GAPDH: variants seen among roughly 807,000 people sequenced by gnomAD.
GAPDH encodes the protein glyceraldehyde-3-phosphate dehydrogenase.
Under a neutral mutation model 31.2 loss-of-function variants are expected in GAPDH, and 13 were observed. The observed-to-expected ratio is 0.42, with a 90% CI of 0.27 to 0.66. The LOEUF is 0.66. GAPDH is among the 30% of genes least tolerant of loss of function. GAPDH has a pLI of 0.26. For synonymous variants in GAPDH, 211 were observed against 166.9 expected, an observed-to-expected ratio of 1.26 and a Z score of -2.04; for missense variants, 300 against 443.7, an observed-to-expected ratio of 0.68 and a Z score of 2.91.
At chr12:6,535,412 G>T in intron 2 of GAPDH, 1 of 988,850 alleles carries the variant, frequency 1.0e-6, no homozygotes, top group Non-Finnish European at 1.2e-6. Flanking sequence ...GTCAGGTGGA[G>T]CGAGGCTAGC....
At chr12:6,534,928 C>A in intron 2 of GAPDH, 67 bp downstream of exon 2, 2 of 1,546,780 alleles carry the variant, frequency 1.3e-6, no homozygotes, top group Non-Finnish European at 8.9e-7. Flanking sequence ...ACGAGCCTTG[C>A]GGGCTCCGGG....
At chr12:6,535,459 A>AT in intron 2 of GAPDH, 1 of 986,822 alleles carries the variant, frequency 1.0e-6, no homozygotes, top group Non-Finnish European at 1.2e-6. Context: ...CTTTTCCTAG[A>AT]TTATTCTCTG....
chr12:6,537,529 G>A lies in GAPDH; in HGVS notation c.526-55G>A. 1.3e-6 allele frequency: 2 copies of A among 1,588,726 alleles called. No homozygotes were observed. Among genetic ancestry groups the A allele is most frequent in the South Asian group, 1.1e-5 (1 of 87,502 alleles). ...CCATAATTTCCTTTCAAGGTGGGGA[G>A]GGAGGTAGAGGGGTGATGTGGGGAG... On this transcript the variant is annotated intron_variant, in intron 7 of 8. Transcript: ENST00000229239. The surrounding 1 kb of genome is among the most constrained non-coding windows in gnomAD (Gnocchi z 4.9).
chr12:6,535,605 G>GC, intron 2 of GAPDH: 1 of 286,110 alleles, frequency 3.5e-6, no homozygotes, highest in Non-Finnish European at 5.2e-6. Flanking sequence ...CCGCAAAATG[G>GC]CCCCTCTGGT....
In GAPDH at chr12:6,537,404, G is replaced by C; in HGVS notation, c.525+14G>C. ...GAAGGACTCATGGTATGAGAGCTGG[G>C]GAATGGGACTGAGGCTCCCACCTTT... On this transcript the variant is annotated intron_variant, in intron 7 of 8. Transcript: ENST00000229239. The surrounding 1 kb of genome is among the most constrained non-coding windows in gnomAD (Gnocchi z 4.9). 2 of 1,603,900 alleles carry C rather than the reference G, an allele frequency of 1.2e-6. No homozygotes were observed. Among genetic ancestry groups the C allele is most frequent in the Non-Finnish European group, 1.7e-6 (2 of 1,176,812 alleles).
rs1170623647 is a variant in GAPDH, at chr12:6,534,545, GCCGCA to G, written c.-47_-43del. 2.2e-5 allele frequency: 11 copies of G among 507,008 alleles called. No individual in the cohort carries two copies. Among genetic ancestry groups the G allele is most frequent in the Non-Finnish European group, 1.8e-5 (5 of 282,610 alleles). The allele number at this position is 507,008 out of a possible 1,614,324, so 31.4% of individuals were successfully genotyped here. A position where few individuals can be genotyped will look rare whatever the true frequency, so the allele number is the denominator to read the frequency against. On this transcript the variant is annotated 5_prime_UTR_variant, in exon 1 of 9. Coordinates refer to ENST00000229239, the MANE Select transcript of GAPDH (RefSeq NM_002046.7). The stretch of plus-strand genomic sequence containing the variant: ...CTCTGCTCCTCCTGTTCGACAGTCA[GCCGCA>G]TCTTCTTTTGCGTCGCCAGGTGAAG...
At chr12:6,536,401 C>T (rs923348483) in intron 2 of GAPDH, 93 bp from the exon 3 acceptor site, 29 of 884,966 alleles carry the variant, frequency 3.3e-5, no homozygotes, top group Non-Finnish European at 4.9e-5. Flanking sequence ...GGAGATGCTG[C>T]ATTCGCCCTC....
chr12:6,534,726 A>T (rs1372314746), intron 1 of GAPDH, 84 bp from the exon 2 acceptor site: 17 of 1,183,380 alleles, frequency 1.4e-5, no homozygotes, highest in Admixed American at 1.9e-5. Flanking sequence ...CGGGCTGGGC[A>T]TGGAGGCCTG....
In GAPDH at chr12:6,538,129, A is replaced by C; in HGVS notation, c.967A>C (p.Arg323=). ...TGACAACGAATTTGGCTACAGCAAC[A>C]GGGTGGTGGACCTCATGGCCCACAT... ...WYDNEFGYSN[R]VVDLMAHMAS... is the part of the protein sequence containing the mutation. Residue 323 remains arginine (R), a synonymous_variant, in exon 9 of 9, where the codon AGG becomes CGG. Coordinates refer to ENST00000229239, the MANE Select transcript of GAPDH (RefSeq NM_002046.7). 6.2e-7 allele frequency: 1 copy of C among 1,613,326 alleles called. No homozygotes were observed. The highest frequency in any genetic ancestry group is 1.7e-5 in the Admixed American group (1 of 60,028).
chr12:6,535,427 C>T (rs977980930), intron 2 of GAPDH: 2 of 987,796 alleles, frequency 2.0e-6, no homozygotes, highest in African/African-American at 1.7e-5. Context: ...GCTAGCTGGC[C>T]CGATTTCTCC....
chr12:6,537,700 C>T lies in GAPDH; in HGVS notation c.642C>T (p.Ala214=). 1 of 1,611,686 alleles carries T rather than the reference C, an allele frequency of 6.2e-7. No individual in the cohort carries two copies. Among genetic ancestry groups the T allele is most frequent in the Non-Finnish European group, 8.5e-7 (1 of 1,179,856 alleles). The change falls in exon 8 of 9, where the codon GCC becomes GCT. Residue 214 remains alanine (A), a synonymous_variant. Transcript: ENST00000229239. The surrounding 1 kb of genome is among the most constrained non-coding windows in gnomAD (Gnocchi z 4.9). ...QNIIPASTGA[A]KAVGKVIPEL... is the part of the protein sequence containing the mutation. ...TCATCCCTGCCTCTACTGGCGCTGC[C>T]AAGGCTGTGGGCAAGGTCATCCCTG...
rs376351264 is a variant in GAPDH, at chr12:6,535,516, C to T, written c.29+655C>T. The T allele has an allele frequency of 1.1e-5, 10 of 906,934 alleles. No individual in the cohort carries two copies. The South Asian group carries it at 1.5e-4, about 14-fold the overall frequency. 56.2% of individuals were successfully genotyped at this position (906,934 alleles called of 1,614,324 possible). On this transcript the variant is annotated intron_variant, in intron 2 of 8. Coordinates refer to ENST00000229239, the MANE Select transcript of GAPDH (RefSeq NM_002046.7). ...ATGGAGGTCCTCTTGTGTCCCCTCCCCGCAGAGGTGTGGTGGCTGTGGCAT... is the reference window on the plus strand; with the variant it reads ...ATGGAGGTCCTCTTGTGTCCCCTCCTCGCAGAGGTGTGGTGGCTGTGGCAT...
At chr12:6,534,786 T>A (rs368616050) in intron 1 of GAPDH, 24 bp from the exon 2 acceptor site, 2 of 1,607,272 alleles carry the variant, frequency 1.2e-6, no homozygotes, top group African/African-American at 1.3e-5. Context: ...CACTAGGCGC[T>A]CACTGTTCTC....
rs1015638048 is a variant in GAPDH, at chr12:6,534,522, C to G, written c.-71C>G. On this transcript the variant is annotated 5_prime_UTR_variant, in exon 1 of 9. Transcript: ENST00000229239. ...AGCCCGCAGCCTCCCGCTTCGCTCT[C>G]TGCTCCTCCTGTTCGACAGTCAGCC... 6.5e-6 allele frequency: 3 copies of G among 459,540 alleles called. No individual in the cohort carries two copies. The highest frequency in any genetic ancestry group is 7.9e-6 in the Non-Finnish European group (2 of 252,418). 28.5% of individuals were successfully genotyped at this position (459,540 alleles called of 1,614,324 possible).
At chr12:6,535,456 T>G in intron 2 of GAPDH, 6 of 986,992 alleles carry the variant, frequency 6.1e-6, no homozygotes, top group Non-Finnish European at 7.2e-6. Context: ...ATGCTTTTCC[T>G]AGATTATTCT....
intron 2 of GAPDH, chr12:6,535,550 G>A: frequency 1.5e-6 from 1 of 669,842 alleles, no homozygotes; most frequent in Non-Finnish European, 1.8e-6. Context: ...ATGGTGCCAA[G>A]CCGGGAGAAG....
rs1287433200 is a variant in GAPDH at position 6,536,991 on chromosome 12, C to A, written c.308C>A (p.Thr103Asn). 6.2e-7 allele frequency: 1 copy of A among 1,613,798 alleles called. No individual in the cohort carries two copies. The highest frequency in any genetic ancestry group is 1.3e-5 in the African/African-American group (1 of 74,868). ...GTCGTGGAGTCCACTGGCGTCTTCACCACCATGGAGAAGGCTGGGGTGAGT... is the reference window on the plus strand; with the variant it reads ...GTCGTGGAGTCCACTGGCGTCTTCAACACCATGGAGAAGGCTGGGGTGAGT... ...EYVVESTGVF[T>N]TMEKAGAHLQ... Residue 103 changes from threonine to asparagine, a missense_variant, in exon 5 of 9, where the codon ACC (threonine) becomes AAC (asparagine). Physicochemically the swap from Thr to Asn is moderately conservative, Grantham distance 65. Transcript: ENST00000229239.
chr12:6,535,233 C>T lies in GAPDH; in HGVS notation c.29+372C>T, dbSNP rs576918011. Reference sequence around the variant, plus strand: ...CCACGGCCTCCGGCACCGCAGGCCCCGGGATGCTAGTGCGCAGCGGGTGCA... The same window carrying T: ...CCACGGCCTCCGGCACCGCAGGCCCTGGGATGCTAGTGCGCAGCGGGTGCA... On this transcript the variant is annotated intron_variant, in intron 2 of 8. Coordinates refer to ENST00000229239, the MANE Select transcript of GAPDH (RefSeq NM_002046.7). 4,705 of 1,083,378 alleles carry T rather than the reference C, an allele frequency of 4.3e-3. 15 individuals carry two copies. The highest frequency in any genetic ancestry group is 5.1e-3 in the Non-Finnish European group (4,520 of 890,158). The allele number at this position is 1,083,378 out of a possible 1,614,324, so 67.1% of individuals were successfully genotyped here.
In GAPDH at chr12:6,537,421, C is replaced by G; in HGVS notation, c.525+31C>G. Reference sequence around the variant, plus strand: ...AGAGCTGGGGAATGGGACTGAGGCTCCCACCTTTCTCATCCAAGACTGGCT... The same window carrying G: ...AGAGCTGGGGAATGGGACTGAGGCTGCCACCTTTCTCATCCAAGACTGGCT... On this transcript the variant is annotated intron_variant, in intron 7 of 8. Transcript: ENST00000229239. This position sits in a 1 kb window ranked among gnomAD's most constrained non-coding sequence, Gnocchi z 4.9. 2 of 1,598,384 alleles carry G rather than the reference C, an allele frequency of 1.3e-6. No homozygotes were observed. The highest frequency in any genetic ancestry group is 1.1e-5 in the South Asian group (1 of 90,764).
Sources: allele counts gnomAD v4.1 joint callset, GRCh38; gene constraint gnomAD v4.1.1; non-coding constraint Gnocchi (gnomAD v3.1); transcripts MANE v1.5; gene names NCBI Gene and HGNC (gene_info 2026-07-23, HGNC 2026-07-21).